The following MAP4 variants were observed in gnomAD, a reference collection of about 807,000 sequenced individuals.
MAP4 encodes the protein microtubule-associated protein 4.
In MAP4, 76 loss-of-function variants were observed where a neutral mutation model predicts 170.2. That is an observed-to-expected ratio of 0.45 (90% CI 0.37 to 0.54). The LOEUF (loss-of-function observed/expected upper bound fraction) is 0.54. Ranked by LOEUF, MAP4 falls within the 20% of genes least tolerant of loss-of-function variation. The pLI, the probability that MAP4 is intolerant of heterozygous loss-of-function variation, is 0.00. For missense variants in MAP4, 2,506 were observed against 2,748.0 expected (o/e 0.91, Z 1.97); for synonymous variants, 909 against 994.5 (o/e 0.91, Z 1.62).
chr3:47,949,443 G>A (rs904432530), intron 3 of MAP4, among the ~76,000 whole-genome samples: 2 of 136,492 alleles, frequency 1.5e-5, no homozygotes, highest in South Asian at 2.3e-4. Context: ...TCCAACCTGG[G>A]CAACAGAGCA....
intron 1 of MAP4, among the ~76,000 whole-genome samples, chr3:48,005,045 G>A (rs912137329): frequency 6.6e-6 from 1 of 152,144 alleles, no homozygotes; most frequent in Non-Finnish European, 1.5e-5. Context: ...TGTGACCCAG[G>A]AGGAGGTGCG....
At chr3:47,935,646 A>G (rs1360860752) in intron 3 of MAP4, among the ~76,000 whole-genome samples, 1 of 151,928 alleles carries the variant, frequency 6.6e-6, no homozygotes, top group Non-Finnish European at 1.5e-5. Context: ...ATAATAATAT[A>G]CCTGAGCTGG....
intron 3 of MAP4, among the ~76,000 whole-genome samples, chr3:47,959,095 CAA>C (rs1446805534): frequency 6.6e-6 from 1 of 151,426 alleles, no homozygotes; most frequent in African/African-American, 2.4e-5. Context: ...TGCTTGTCAT[CAA>C]AGTGTGCAGT....
At chr3:48,004,649 T>C (rs927909156) in intron 1 of MAP4, among the ~76,000 whole-genome samples, 5 of 152,182 alleles carry the variant, frequency 3.3e-5, no homozygotes, top group Admixed American at 2.0e-4. Context: ...AAAAGATGCA[T>C]GCACAGCCAC....
At chr3:47,985,053 G>T (rs571186073) in intron 2 of MAP4, among the ~76,000 whole-genome samples, 127 of 152,230 alleles carry the variant, frequency 8.3e-4, no homozygotes, top group Non-Finnish European at 1.3e-3. Flanking sequence ...GCAGAGGTGG[G>T]TGAATCACCT....
intron 3 of MAP4, among the ~76,000 whole-genome samples, chr3:47,975,807 T>C (rs913860173): frequency 1.3e-5 from 2 of 151,786 alleles, no homozygotes; most frequent in African/African-American, 2.4e-5. Flanking sequence ...TTTTTTTTTT[T>C]GAGACGGAGT....
upstream of MAP4, among the ~76,000 whole-genome samples, chr3:48,020,596 A>C (rs2100110066): frequency 6.6e-6 from 1 of 152,090 alleles, no homozygotes; most frequent in African/African-American, 2.4e-5. Context: ...GGAGGGGGGG[A>C]ATATCATTAT....
chr3:47,879,254 C>T (rs1335415599), intron 10 of MAP4, among the ~76,000 whole-genome samples: 2 of 150,324 alleles, frequency 1.3e-5, no homozygotes, highest in Non-Finnish European at 3.0e-5. Flanking sequence ...AAAAAAACAA[C>T]AAAGCATAAG....
intron 1 of MAP4, among the ~76,000 whole-genome samples, chr3:48,031,156 A>T (rs573471004): frequency 6.6e-6 from 1 of 152,218 alleles, no homozygotes; most frequent in African/African-American, 2.4e-5. Context: ...TACATCTGTA[A>T]TCCCAGCACT....
In MAP4 at chr3:47,987,421, G is replaced by GGTA. The variant is rs971204954; in HGVS notation, c.224-9491_224-9489dup. 4 of 1,531,204 alleles carry GGTA rather than the reference G, an allele frequency of 2.6e-6. No individual in the cohort carries two copies. The African/African-American group carries it at 5.5e-5, about 21-fold the overall frequency. The allele number at this position is 1,531,204 out of a possible 1,614,324, so 94.9% of individuals were successfully genotyped here. A position where few individuals can be genotyped will look rare whatever the true frequency, so the allele number is the denominator to read the frequency against. ...AAAAGAAAGGCTGGCAGGGTGTGGG[G>GGTA]GTAGTGGGAGGTCTAGAAGGGAAAG... is the stretch of plus-strand genomic sequence containing the variant. On this transcript the variant is annotated intron_variant, in intron 2 of 20. Transcript: ENST00000683076.
At chr3:47,999,714 A>G (rs960833405) in intron 1 of MAP4, among the ~76,000 whole-genome samples, 1 of 152,108 alleles carries the variant, frequency 6.6e-6, no homozygotes, top group African/African-American at 2.4e-5. Context: ...GGGTGGGAGG[A>G]GGGAAAGGAG....
At chr3:48,006,636 T>TA (rs1429122669) in intron 1 of MAP4, among the ~76,000 whole-genome samples, 1 of 152,092 alleles carries the variant, frequency 6.6e-6, no homozygotes, top group Non-Finnish European at 1.5e-5. Flanking sequence ...TGCCTCTACC[T>TA]AAAAAAATAG....
At chr3:47,854,873 C>G (rs2052061528) in intron 19 of MAP4, among the ~76,000 whole-genome samples, 1 of 152,090 alleles carries the variant, frequency 6.6e-6, no homozygotes, top group Non-Finnish European at 1.5e-5. Flanking sequence ...GGGGCGGGAA[C>G]CCACATTCCC....
rs2100041089 is a variant in MAP4 at position 47,918,708 on chromosome 3, T to C, written c.652+11A>G. On this transcript the variant is annotated intron_variant, in intron 6 of 20. Transcript: ENST00000683076. Reference sequence around the variant, plus strand: ...ACCATTAACTGATAAAGGGAGTCTCTAATAGTTTACCTGCCGTTGGCTGAG... The same window carrying C: ...ACCATTAACTGATAAAGGGAGTCTCCAATAGTTTACCTGCCGTTGGCTGAG... 3 of 1,602,390 alleles carry C rather than the reference T, an allele frequency of 1.9e-6. No homozygotes were observed. Among genetic ancestry groups the C allele is most frequent in the Non-Finnish European group, 8.5e-7 (1 of 1,170,070 alleles).
chr3:47,987,551 G>A lies in MAP4; in HGVS notation c.224-9618C>T, dbSNP rs535476411. 3.7e-4 allele frequency: 213 copies of A among 583,474 alleles called. 3 individuals carry two copies. The South Asian group carries it at 6.5e-3, about 18-fold the overall frequency. 36.1% of individuals were successfully genotyped at this position (583,474 alleles called of 1,614,324 possible). ...AAGCTTTATATAACATCAACCTCCA[G>A]CCCAGAACCGTCCTCCAAACTCCGG... is the stretch of plus-strand genomic sequence containing the variant. On this transcript the variant is annotated intron_variant, in intron 2 of 20. Coordinates refer to ENST00000683076, the MANE Select transcript of MAP4 (RefSeq NM_001385682.1).
intron 1 of MAP4, among the ~76,000 whole-genome samples, chr3:48,080,270 T>C (rs2100145956): frequency 6.6e-6 from 1 of 152,232 alleles, no homozygotes; most frequent in Non-Finnish European, 1.5e-5. Flanking sequence ...GAAGTACTTA[T>C]CTTGGGAAAT....
chr3:47,852,539 C>A lies in MAP4; in HGVS notation c.*395G>T, dbSNP rs1302467865. The A allele has an allele frequency of 1.6e-5, 8 of 502,826 alleles. No individual in the cohort carries two copies. The highest frequency in any genetic ancestry group is 2.1e-5 in the Non-Finnish European group (6 of 288,668). 31.1% of individuals were successfully genotyped at this position (502,826 alleles called of 1,614,324 possible). On this transcript the variant is annotated 3_prime_UTR_variant, in exon 21 of 21. Coordinates refer to ENST00000683076, the MANE Select transcript of MAP4 (RefSeq NM_001385682.1). ...TTTCTTTTGGGTTTGGACCAAAGAACCAAAAAAAGATGAGGATAGAATCTG... is the reference window on the plus strand; with the variant it reads ...TTTCTTTTGGGTTTGGACCAAAGAAACAAAAAAAGATGAGGATAGAATCTG...
At chr3:48,016,003 T>A (rs1440316540) in intron 1 of MAP4, among the ~76,000 whole-genome samples, 1 of 152,200 alleles carries the variant, frequency 6.6e-6, no homozygotes, top group Non-Finnish European at 1.5e-5. Context: ...ACAGCTGTGC[T>A]ATTACAAACT....
intron 15 of MAP4, among the ~76,000 whole-genome samples, chr3:47,869,996 C>T (rs1360325533): frequency 1.3e-5 from 2 of 152,124 alleles, no homozygotes; most frequent in South Asian, 2.1e-4. Context: ...ACCAGGATTC[C>T]ACCTCATTTT....
Sources: allele counts gnomAD v4.1 joint callset (sites outside exome capture counted in the v4.1 genomes callset), GRCh38; gene constraint gnomAD v4.1.1; transcripts MANE v1.5; gene names NCBI Gene and HGNC (gene_info 2026-07-23, HGNC 2026-07-21).